The following MROH9 variants were observed in gnomAD, a reference collection of about 807,000 sequenced individuals.
The protein encoded by MROH9 is maestro heat like repeat family member 9.
MROH9 carries 92 observed loss-of-function variants against 98.2 expected under a neutral mutation model. The ratio of observed to expected loss-of-function variants is 0.94; its 90% CI spans 0.79 to 1.11. MROH9 has a LOEUF of 1.11. Ranked by LOEUF, MROH9 falls within the 50% of genes most tolerant of loss-of-function variation. MROH9 has a pLI of 0.00. For missense variants in MROH9, 1,057 were observed against 1,014.8 expected (o/e 1.04, Z -0.57); for synonymous variants, 397 against 368.9 (o/e 1.08, Z -0.87).
At chr1:170,949,256 A>C (rs1332717116) in intron 3 of MROH9, among the ~76,000 whole-genome samples, 1 of 152,034 alleles carries the variant, frequency 6.6e-6, no homozygotes, top group African/African-American at 2.4e-5. Flanking sequence ...TCAGCTGCCA[A>C]CACTTCCACA....
chr1:170,990,315 A>T (rs1241125316), intron 11 of MROH9, among the ~76,000 whole-genome samples: 1 of 152,176 alleles, frequency 6.6e-6, no homozygotes, highest in East Asian at 1.9e-4. Context: ...CCTCAATGTG[A>T]TAATGGATTT....
chr1:171,015,246 G>T, intron 16 of MROH9: 1 of 338,180 alleles, frequency 3.0e-6, no homozygotes, highest in Non-Finnish European at 5.8e-6. Flanking sequence ...AATACAAGTT[G>T]ATGGATTTAC....
intron 20 of MROH9, among the ~76,000 whole-genome samples, chr1:171,056,841 G>C (rs1368369326): frequency 6.6e-6 from 1 of 152,126 alleles, no homozygotes; most frequent in African/African-American, 2.4e-5. Context: ...GCATGAAGTG[G>C]ACCCCCAGCA....
chr1:171,050,895 G>A (rs574916969), intron 20 of MROH9, among the ~76,000 whole-genome samples: 1 of 152,112 alleles, frequency 6.6e-6, no homozygotes, highest in South Asian at 2.1e-4. Context: ...TTTATCAAAT[G>A]CTTTTTCTAC....
intron 17 of MROH9, among the ~76,000 whole-genome samples, chr1:171,018,492 C>T (rs922026812): frequency 7.9e-5 from 12 of 152,192 alleles, no homozygotes; most frequent in Admixed American, 7.2e-4. Flanking sequence ...CAGAGTGCCT[C>T]TTCTCCTTCA....
At chr1:171,009,718 GTTTCT>G (rs1652083539) in intron 15 of MROH9, among the ~76,000 whole-genome samples, 1 of 152,126 alleles carries the variant, frequency 6.6e-6, no homozygotes, top group South Asian at 2.1e-4. Context: ...ATTTCTAATG[GTTTCT>G]AAGTGCTATT....
intron 20 of MROH9, among the ~76,000 whole-genome samples, chr1:171,033,020 G>A (rs1432436881): frequency 1.3e-5 from 2 of 152,250 alleles, no homozygotes; most frequent in Non-Finnish European, 2.9e-5. Context: ...GAGGAAGGAT[G>A]GGTAAGAGTC....
At chr1:170,958,654 T>G (rs1649887764) in intron 4 of MROH9, 114 bp downstream of exon 4, 2 of 695,294 alleles carry the variant, frequency 2.9e-6, no homozygotes, top group South Asian at 4.8e-5. Context: ...TTCACCATCA[T>G]AATTTGGTGA....
At chr1:171,008,882 A>T (rs748876176) in intron 15 of MROH9, among the ~76,000 whole-genome samples, 3 of 152,218 alleles carry the variant, frequency 2.0e-5, no homozygotes, top group Non-Finnish European at 4.4e-5. Flanking sequence ...CCTTTTGCAT[A>T]AGAGAGAAAA....
intron 1 of MROH9, among the ~76,000 whole-genome samples, chr1:170,942,930 G>A (rs772928027): frequency 2.0e-5 from 3 of 152,130 alleles, no homozygotes; most frequent in Admixed American, 6.5e-5. Context: ...ATGCTGCCAG[G>A]AGGGTAAAAT....
chr1:170,991,491 T>A (rs550456838), intron 11 of MROH9, among the ~76,000 whole-genome samples: 1 of 152,238 alleles, frequency 6.6e-6, no homozygotes, highest in African/African-American at 2.4e-5. Flanking sequence ...GAACCCAGTA[T>A]GAATTGGCAA....
At chr1:171,036,632 A>T (rs1653106648) in intron 20 of MROH9, among the ~76,000 whole-genome samples, 1 of 151,994 alleles carries the variant, frequency 6.6e-6, no homozygotes, top group African/African-American at 2.4e-5. Context: ...ATAAATTAGA[A>T]ATAATCCAAA....
At chr1:171,014,951 G>A (rs1652278967) in intron 16 of MROH9, 1 of 471,152 alleles carries the variant, frequency 2.1e-6, no homozygotes, top group Non-Finnish European at 4.4e-6. Flanking sequence ...AGTTAAAGCT[G>A]AGAACAACAA....
intron 15 of MROH9, among the ~76,000 whole-genome samples, chr1:171,010,806 TA>T (rs1652125066): frequency 6.6e-6 from 1 of 152,196 alleles, no homozygotes; most frequent in African/African-American, 2.4e-5. Context: ...GTTTTTTTTG[TA>T]AATTTGTTCA....
chr1:171,020,834 G>A (rs1557901263), intron 17 of MROH9, among the ~76,000 whole-genome samples: 2 of 152,096 alleles, frequency 1.3e-5, no homozygotes, highest in African/African-American at 4.8e-5. Context: ...GTCTCTGTTT[G>A]TGGACATGAT....
intron 20 of MROH9, among the ~76,000 whole-genome samples, chr1:171,035,001 A>T (rs1226708903): frequency 6.6e-6 from 1 of 152,172 alleles, no homozygotes; most frequent in East Asian, 1.9e-4. Flanking sequence ...AAACAAAAGG[A>T]CTCCTGACAC....
chr1:170,984,111 A>G (rs1168958582), intron 9 of MROH9, among the ~76,000 whole-genome samples: 1 of 152,228 alleles, frequency 6.6e-6, no homozygotes, highest in Non-Finnish European at 1.5e-5. Context: ...AGGTTTAGCC[A>G]TAGGCTCCAG....
intron 1 of MROH9, among the ~76,000 whole-genome samples, chr1:170,938,554 A>T (rs926354162): frequency 1.3e-5 from 2 of 152,206 alleles, no homozygotes; most frequent in Non-Finnish European, 2.9e-5. Flanking sequence ...GAACATGGTA[A>T]GACTAGTGAA....
intron 15 of MROH9, among the ~76,000 whole-genome samples, chr1:171,007,445 G>C (rs1651999820): frequency 1.3e-5 from 2 of 152,154 alleles, no homozygotes; most frequent in Non-Finnish European, 2.9e-5. Flanking sequence ...GGCAGGACTG[G>C]CTCCAGACAA....
Sources: gnomAD v4.1 joint callset for allele counts (sites outside exome capture counted in the v4.1 genomes callset) on GRCh38, gnomAD v4.1.1 for gene constraint, MANE v1.5 for transcripts, NCBI Gene and HGNC (gene_info 2026-07-23, HGNC 2026-07-21) for gene names.